The following CLEC17A variants were observed in gnomAD, a reference collection of about 807,000 sequenced individuals.
CLEC17A encodes C-type lectin domain family 17, member A.
Under a neutral mutation model 61.3 loss-of-function variants are expected in CLEC17A, and 37 were observed. The observed-to-expected ratio is 0.60, with a 90% CI of 0.46 to 0.79. The LOEUF (loss-of-function observed/expected upper bound fraction) is 0.79, where lower values mean the gene tolerates loss of function less well. Among genes scored for constraint, CLEC17A ranks in the 30% least tolerant of loss-of-function variants. The probability of loss-of-function intolerance (pLI) is 0.00; values close to 1 mark genes in which losing one functional copy is unlikely to be tolerated. For synonymous variants in CLEC17A, 168 were observed against 164.9 expected (o/e 1.02, Z -0.14); for missense variants, 418 against 464.7 (o/e 0.90, Z 0.92).
In CLEC17A at chr19:14,592,414, G is replaced by A. The variant is rs116460139; in HGVS notation, c.277+56G>A. The stretch of plus-strand genomic sequence containing the variant: ...GGAATACAGGGAACAGGGTTTCCAG[G>A]AGGCATTGGCTGGGCATTGTAGACA... On this transcript the variant is annotated intron_variant, in intron 4 of 13. Transcript: ENST00000417570. 5.3e-5 allele frequency: 85 copies of A among 1,606,648 alleles called. No individual in the cohort carries two copies. In the African/African-American group the frequency reaches 1.0e-3, roughly 20 times the overall value.
chr19:14,592,909 G>A (rs1049564017), intron 4 of CLEC17A, among the ~76,000 whole-genome samples: 2 of 151,998 alleles, frequency 1.3e-5, no homozygotes, highest in Admixed American at 6.6e-5. Context: ...CAAGTGATCC[G>A]CCTGCCTTGG....
intron 13 of CLEC17A, among the ~76,000 whole-genome samples, chr19:14,607,397 G>A (rs561686096): frequency 2.0e-5 from 3 of 151,550 alleles, no homozygotes; most frequent in Non-Finnish European, 4.4e-5. Flanking sequence ...TAGAGACGGG[G>A]TTTCACCGTG....
rs150939267 is a variant in CLEC17A, at chr19:14,602,847, C to T, written c.894+2665C>T. On this transcript the variant is annotated intron_variant, in intron 12 of 13. Transcript: ENST00000417570. Reference sequence around the variant, plus strand: ...GCCTCCCGAGTTCAAGTGATTCTCCCGCCTCAACCTCCCGAGTAGCTGGGA... The same window carrying T: ...GCCTCCCGAGTTCAAGTGATTCTCCTGCCTCAACCTCCCGAGTAGCTGGGA... Among the ~76,000 whole-genome samples the T allele has an allele frequency of 5.4e-3, 825 of 151,944 alleles. 12 individuals carry two copies. Among genetic ancestry groups the T allele is most frequent in the African/African-American group, 0.019 (770 of 41,442 alleles).
intron 8 of CLEC17A, among the ~76,000 whole-genome samples, chr19:14,596,060 C>G (rs2074545233): frequency 2.8e-3 from 1 of 354 alleles, no homozygotes; most frequent in Non-Finnish European, 6.8e-3. Flanking sequence ...GAAGCTTCTC[C>G]TCTCTGAGTC....
In CLEC17A at chr19:14,612,020, A is replaced by C. The variant is rs1247511973; in HGVS notation, c.*1824A>C. ...CTCCATCTCAAATAAATAAATAAAAATAAAAATTCACTTTACTTCTGTGTG... is the reference window on the plus strand; with the variant it reads ...CTCCATCTCAAATAAATAAATAAAACTAAAAATTCACTTTACTTCTGTGTG... On this transcript the variant is annotated 3_prime_UTR_variant, in exon 14 of 14. Transcript: ENST00000417570. Among the ~76,000 whole-genome samples the C allele has an allele frequency of 6.6e-6, 1 of 152,102 alleles. No homozygotes were observed. The highest frequency in any genetic ancestry group is 1.5e-5 in the Non-Finnish European group (1 of 68,016).
In CLEC17A at chr19:14,594,783, GTCCA is replaced by G. The variant is rs2074503958; in HGVS notation, c.387_390del (p.Pro130LeufsTer6). On this transcript the variant is annotated frameshift_variant, in exon 7 of 14. Coordinates refer to ENST00000417570, the MANE Select transcript of CLEC17A (RefSeq NM_001204118.2). LOFTEE classifies it high-confidence loss of function. Reference sequence around the variant, plus strand: ...GGCCTGGACCTCGCCGCTGTCACCTGTCCACCTCCTCAACTGGGTGAGCAGTGGG... The same window carrying G: ...GGCCTGGACCTCGCCGCTGTCACCTGCCTCCTCAACTGGGTGAGCAGTGGG... The G allele has an allele frequency of 6.2e-7, 1 of 1,613,700 alleles. No homozygotes were observed. Among genetic ancestry groups the G allele is most frequent in the African/African-American group, 1.3e-5 (1 of 74,922 alleles).
Position 14,607,003 on chromosome 19 carries a change from C to T in CLEC17A, c.905C>T (p.Ala302Val). Residue 302 changes from alanine (A) to valine (V), a missense_variant, in exon 13 of 14, where the codon GCC becomes GTC. Coordinates refer to ENST00000417570, the MANE Select transcript of CLEC17A (RefSeq NM_001204118.2). ...INSFAEHNFV[A>V]KAHGSPRVYW... is the part of the protein sequence containing the mutation. The stretch of plus-strand genomic sequence containing the variant: ...AATTTTTATTTGCAGAATTTTGTGG[C>T]CAAGGCCCATGGCTCTCCACGGGTG... 7.8e-7 allele frequency: 1 copy of T among 1,284,796 alleles called. No homozygotes were observed. Among genetic ancestry groups the T allele is most frequent in the Non-Finnish European group, 9.9e-7 (1 of 1,012,036 alleles). The allele number at this position is 1,284,796 out of a possible 1,614,324, so 79.6% of individuals were successfully genotyped here.
At chr19:14,586,665 G>A (rs1463543325) in intron 2 of CLEC17A, among the ~76,000 whole-genome samples, 6 of 151,938 alleles carry the variant, frequency 3.9e-5, no homozygotes, top group Non-Finnish European at 7.4e-5. Context: ...GGCCTCAAGC[G>A]ATCCTCCTGC....
intron 8 of CLEC17A, among the ~76,000 whole-genome samples, chr19:14,596,184 G>A (rs1202889329): frequency 6.6e-6 from 1 of 151,902 alleles, no homozygotes; most frequent in Non-Finnish European, 1.5e-5. Context: ...CTTGGTCAGG[G>A]GTTTCTGGAG....
At chr19:14,599,376 C>T (rs1006576424) in intron 10 of CLEC17A, among the ~76,000 whole-genome samples, 1 of 152,134 alleles carries the variant, frequency 6.6e-6, no homozygotes, top group African/African-American at 2.4e-5. Context: ...GTGTGAGCCA[C>T]CATGGGCAGC....
intron 3 of CLEC17A, among the ~76,000 whole-genome samples, chr19:14,588,167 A>C (rs964136769): frequency 1.3e-5 from 2 of 151,920 alleles, no homozygotes; most frequent in African/African-American, 4.8e-5. Context: ...TACAGGGTCC[A>C]ACAGGAGACT....
Position 14,610,310 on chromosome 19 carries a change from A to G in CLEC17A, c.*114A>G, listed in dbSNP as rs541386671. On this transcript the variant is annotated 3_prime_UTR_variant, in exon 14 of 14. Transcript: ENST00000417570. ...TGAGTGGACACACAGATGTGCCTCA[A>G]ACAGGATTGGCACCCTGGATGCAGC... 7.0e-7 allele frequency: 1 copy of G among 1,428,442 alleles called. No homozygotes were observed. The highest frequency in any genetic ancestry group is 1.4e-5 in the African/African-American group (1 of 71,006). 88.5% of individuals were successfully genotyped at this position (1,428,442 alleles called of 1,614,324 possible). A position where few individuals can be genotyped will look rare whatever the true frequency, so the allele number is the denominator to read the frequency against.
intron 1 of CLEC17A, 67 bp downstream of exon 1, chr19:14,583,270 C>T (rs1009404403): frequency 2.0e-5 from 33 of 1,613,096 alleles, no homozygotes; most frequent in African/African-American, 9.3e-5. Context: ...AGAATCCCCA[C>T]CATGGGGCAG....
intron 3 of CLEC17A, 105 bp from the exon 4 acceptor site, chr19:14,592,176 C>T: frequency 2.3e-6 from 3 of 1,324,220 alleles, no homozygotes; most frequent in Non-Finnish European, 3.1e-6. Context: ...GGTCAAGATC[C>T]AGGGTACAGA....
intron 12 of CLEC17A, among the ~76,000 whole-genome samples, chr19:14,604,270 A>C (rs541112184): frequency 6.6e-6 from 1 of 152,064 alleles, no homozygotes; most frequent in Non-Finnish European, 1.5e-5. Context: ...ATCACCTGAA[A>C]AGCTCACCGG....
At chr19:14,597,307 A>G in intron 10 of CLEC17A, 146 bp downstream of exon 10, 1 of 731,012 alleles carries the variant, frequency 1.4e-6, no homozygotes, top group Non-Finnish European at 2.4e-6. Context: ...CATGTCAGAC[A>G]CAGTCTTTGT....
intron 12 of CLEC17A, among the ~76,000 whole-genome samples, chr19:14,601,068 A>G (rs2074702645): frequency 6.6e-6 from 1 of 151,416 alleles, no homozygotes; most frequent in Non-Finnish European, 1.5e-5. Context: ...ACGCCTGGCT[A>G]ACTTTTGTAT....
At chr19:14,607,420 G>T (rs991058564) in intron 13 of CLEC17A, among the ~76,000 whole-genome samples, 6 of 151,788 alleles carry the variant, frequency 4.0e-5, no homozygotes, top group African/African-American at 1.2e-4. Context: ...AGCCAGGATG[G>T]TCTTGATCTC....
At chr19:14,590,170 AC>A (rs2074374240) in intron 3 of CLEC17A, among the ~76,000 whole-genome samples, 1 of 147,574 alleles carries the variant, frequency 6.8e-6, no homozygotes, top group Non-Finnish European at 1.5e-5. Context: ...TAGATAACTG[AC>A]CCAGTGCCCT....
Sources: allele counts gnomAD v4.1 joint callset (sites outside exome capture counted in the v4.1 genomes callset), GRCh38; gene constraint gnomAD v4.1.1; transcripts MANE v1.5; gene names NCBI Gene and HGNC (gene_info 2026-07-23, HGNC 2026-07-21).